NR2C2: variants seen among roughly 807,000 people sequenced by gnomAD.
NR2C2 encodes nuclear receptor subfamily 2 group C member 2, also known as Nuclear hormone receptor TR4.
A neutral mutation model predicts 62.9 loss-of-function variants in NR2C2; 6 were observed. That is an observed-to-expected ratio of 0.10 (90% CI 0.05 to 0.19). The LOEUF (loss-of-function observed/expected upper bound fraction) is 0.19. Among genes scored for constraint, NR2C2 ranks in the 10% least tolerant of loss-of-function variants. NR2C2 has a pLI of 1.00. For missense variants in NR2C2, 479 were observed against 762.7 expected (o/e 0.63, Z 4.38); for synonymous variants, 272 against 273.8 (o/e 0.99, Z 0.07).
At chr3:15,022,991 G>C (rs750820636) in intron 5 of NR2C2, among the ~76,000 whole-genome samples, 1 of 152,166 alleles carries the variant, frequency 6.6e-6, no homozygotes, top group Non-Finnish European at 1.5e-5. Flanking sequence ...ACCACCCATC[G>C]TGAGGTCTTT....
At chr3:14,985,137 T>C (rs1302173346) in intron 1 of NR2C2, among the ~76,000 whole-genome samples, 1 of 152,160 alleles carries the variant, frequency 6.6e-6, no homozygotes, top group African/African-American at 2.4e-5. Context: ...AGTTATTTCT[T>C]TTCTTGAGTT....
chr3:14,967,716 GCATT>G (rs2039897606), intron 1 of NR2C2, among the ~76,000 whole-genome samples: 1 of 152,088 alleles, frequency 6.6e-6, no homozygotes, highest in Non-Finnish European at 1.5e-5. Flanking sequence ...TATTTTTTAA[GCATT>G]TAAGATTTCC....
At chr3:14,969,163 A>T (rs1181595775) in intron 1 of NR2C2, among the ~76,000 whole-genome samples, 1 of 152,116 alleles carries the variant, frequency 6.6e-6, no homozygotes, top group Non-Finnish European at 1.5e-5. Context: ...AAGAAAAAAA[A>T]ATTTCCCTCT....
chr3:15,037,742 AGCT>A (rs1251421982), intron 11 of NR2C2, among the ~76,000 whole-genome samples: 5 of 152,246 alleles, frequency 3.3e-5, no homozygotes, highest in African/African-American at 1.2e-4. Context: ...CCTACAGGCC[AGCT>A]GCCTGGCAGC....
At chr3:15,008,726 C>T (rs2041261498) in intron 2 of NR2C2, among the ~76,000 whole-genome samples, 1 of 152,232 alleles carries the variant, frequency 6.6e-6, no homozygotes, top group South Asian at 2.1e-4. Flanking sequence ...AGGACCTTAG[C>T]TTAGTAAAGT....
chr3:14,962,755 T>G (rs2039723245), intron 1 of NR2C2, among the ~76,000 whole-genome samples: 1 of 151,876 alleles, frequency 6.6e-6, no homozygotes, highest in Non-Finnish European at 1.5e-5. Context: ...AGAATCTGAT[T>G]ATTATTGAAC....
At chr3:15,034,386 G>A (rs929546648) in intron 10 of NR2C2, 5 of 295,154 alleles carry the variant, frequency 1.7e-5, no homozygotes, top group Middle Eastern at 1.0e-3. Flanking sequence ...GGCTTTTGAA[G>A]GCTGTAGGTA....
At chr3:15,033,487 A>G (rs867762025) in intron 10 of NR2C2, among the ~76,000 whole-genome samples, 56 of 152,260 alleles carry the variant, frequency 3.7e-4, no homozygotes, top group African/African-American at 1.1e-3. Context: ...ACCTCCCTCC[A>G]TGATTAAAGG....
At chr3:15,002,619 G>A (rs1043890180) in intron 1 of NR2C2, among the ~76,000 whole-genome samples, 9 of 87,472 alleles carry the variant, frequency 1.0e-4, no homozygotes, top group Non-Finnish European at 1.4e-4. Flanking sequence ...TTTAGGAAGA[G>A]TTTTTTGTGA....
At chr3:14,980,315 A>AT (rs1321180765) in intron 1 of NR2C2, among the ~76,000 whole-genome samples, 2 of 148,284 alleles carry the variant, frequency 1.3e-5, no homozygotes, top group Non-Finnish European at 3.0e-5. Flanking sequence ...GACCCAGCTA[A>AT]TTAAAAAAAA....
chr3:15,027,653 A>G (rs2041861246), intron 7 of NR2C2, among the ~76,000 whole-genome samples: 1 of 152,134 alleles, frequency 6.6e-6, no homozygotes, highest in African/African-American at 2.4e-5. Flanking sequence ...GCTGGACTGC[A>G]GTGGCACAAT....
In NR2C2 at chr3:15,016,225, A is replaced by G. The variant is rs752179690; in HGVS notation, c.347A>G (p.Tyr116Cys). Residue 116 changes from tyrosine (Y) to cysteine (C), a missense_variant, in exon 4 of 14, where the codon TAC becomes TGC. Physicochemically the swap from Tyr to Cys is radical, Grantham distance 194. Coordinates refer to ENST00000425241, the MANE Select transcript of NR2C2 (RefSeq NM_001291694.2). ...TDVQRPQVVE[Y>C]CVVCGDKASG... ...GTCCAGCGGCCCCAGGTGGTAGAGT[A>G]CTGTGTGGTCTGTGGCGACAAAGCC... 1.9e-6 allele frequency: 3 copies of G among 1,614,028 alleles called. No individual in the cohort carries two copies. Among genetic ancestry groups the G allele is most frequent in the Non-Finnish European group, 2.5e-6 (3 of 1,179,960 alleles).
intron 1 of NR2C2, among the ~76,000 whole-genome samples, chr3:14,973,668 C>T (rs894373601): frequency 2.0e-5 from 3 of 152,102 alleles, no homozygotes; most frequent in African/African-American, 7.2e-5. Flanking sequence ...GTCCCAGAAC[C>T]ATTTGTTAAA....
intron 2 of NR2C2, among the ~76,000 whole-genome samples, chr3:15,007,741 G>A (rs1240274476): frequency 6.6e-6 from 1 of 152,186 alleles, no homozygotes; most frequent in Non-Finnish European, 1.5e-5. Context: ...AAAGGGATAA[G>A]ACAAGACTGA....
chr3:15,009,516 CACA>C (rs1178054648), intron 2 of NR2C2, among the ~76,000 whole-genome samples: 1 of 152,180 alleles, frequency 6.6e-6, no homozygotes, highest in Admixed American at 6.5e-5. Flanking sequence ...TTCATCTTTT[CACA>C]ACAAGCATTA....
At chr3:15,010,711 C>CA (rs541686657) in intron 2 of NR2C2, among the ~76,000 whole-genome samples, 18,555 of 125,990 alleles carry the variant, frequency 0.15, 1,578 homozygotes, top group African/African-American at 0.27. Context: ...GACCCTGTCT[C>CA]AAAAAAAAAA....
intron 7 of NR2C2, chr3:15,026,217 T>G (rs1222311688): frequency 6.6e-6 from 1 of 152,190 alleles, no homozygotes; most frequent in East Asian, 1.9e-4. Flanking sequence ...AGACGGTGTT[T>G]CACCATGTTG....
chr3:15,008,716 A>C (rs1333388144), intron 2 of NR2C2, among the ~76,000 whole-genome samples: 2 of 152,098 alleles, frequency 1.3e-5, no homozygotes, highest in Non-Finnish European at 2.9e-5. Flanking sequence ...AGAACTAGAG[A>C]GGACCTTAGC....
chr3:15,006,071 G>T (rs1429597961), intron 2 of NR2C2, among the ~76,000 whole-genome samples: 1 of 152,064 alleles, frequency 6.6e-6, no homozygotes, highest in Non-Finnish European at 1.5e-5. Flanking sequence ...GCCAGACATG[G>T]TGATGCATTC....
Sources: gnomAD v4.1 joint callset for allele counts (sites outside exome capture counted in the v4.1 genomes callset) on GRCh38, gnomAD v4.1.1 for gene constraint, MANE v1.5 for transcripts, NCBI Gene and HGNC (gene_info 2026-07-23, HGNC 2026-07-21) for gene names.